Variants in CARMIL1 observed in about 807,000 individuals in gnomAD.
The protein encoded by CARMIL1 is F-actin-uncapping protein LRRC16A.
In CARMIL1, 90 loss-of-function variants were observed where a neutral mutation model predicts 177.1. The observed-to-expected ratio is 0.51, with a 90% CI of 0.43 to 0.61. CARMIL1 has a LOEUF of 0.61. Ranked by LOEUF, CARMIL1 falls within the 20% of genes least tolerant of loss-of-function variation. CARMIL1 has a pLI of 0.00. For missense variants in CARMIL1, 1,380 were observed against 1,667.0 expected (o/e 0.83, Z 3.00); for synonymous variants, 577 against 606.2 (o/e 0.95, Z 0.71).
chr6:25,615,751 TA>T (rs1464814210), intron 36 of CARMIL1, among the ~76,000 whole-genome samples: 5 of 152,206 alleles, frequency 3.3e-5, no homozygotes, highest in Non-Finnish European at 7.3e-5. Flanking sequence ...CTAGAAAGTA[TA>T]AAAAATCAGG....
intron 2 of CARMIL1, among the ~76,000 whole-genome samples, chr6:25,364,761 C>T (rs1228789357): frequency 2.0e-5 from 3 of 152,114 alleles, no homozygotes; most frequent in South Asian, 2.1e-4. Flanking sequence ...GATGGGGTTT[C>T]GCCATGTTGG....
At chr6:25,425,555 ATCCAACTTGG>A (rs1796213298) in intron 3 of CARMIL1, among the ~76,000 whole-genome samples, 1 of 152,094 alleles carries the variant, frequency 6.6e-6, no homozygotes, top group South Asian at 2.1e-4. Flanking sequence ...AAAAAAATTG[ATCCAACTTGG>A]TCCCCCACTG....
At position 25,279,594 on chromosome 6, in the gene CARMIL1, G is replaced by A. The variant is rs1178713677; in HGVS notation, c.-202G>A. 3.3e-6 allele frequency: 2 copies of A among 607,038 alleles called. No individual in the cohort carries two copies. The highest frequency in any genetic ancestry group is 5.6e-5 in the Admixed American group (2 of 35,778). 37.6% of individuals were successfully genotyped at this position (607,038 alleles called of 1,614,324 possible). On this transcript the variant is annotated 5_prime_UTR_variant, in exon 1 of 37. Coordinates refer to ENST00000329474, the MANE Select transcript of CARMIL1 (RefSeq NM_017640.6). ...GTCATGTAGCAGCAGCAGCAAATCC[G>A]CCTCGCATTTGCAACTCTTTTTTTT... is the stretch of plus-strand genomic sequence containing the variant.
At chr6:25,474,821 TTCAG>T (rs1181526533) in intron 11 of CARMIL1, among the ~76,000 whole-genome samples, 3 of 152,206 alleles carry the variant, frequency 2.0e-5, no homozygotes, top group Non-Finnish European at 4.4e-5. Flanking sequence ...ATGGGAAGGA[TTCAG>T]TCATATTTAT....
At chr6:25,617,438 C>G (rs567505255) in intron 36 of CARMIL1, among the ~76,000 whole-genome samples, 10 of 152,218 alleles carry the variant, frequency 6.6e-5, no homozygotes, top group African/African-American at 2.4e-4. Context: ...CTTGATTATC[C>G]TTTAAATCTA....
chr6:25,334,612 C>T (rs1786025223), intron 2 of CARMIL1, among the ~76,000 whole-genome samples: 1 of 152,110 alleles, frequency 6.6e-6, no homozygotes, highest in South Asian at 2.1e-4. Flanking sequence ...CAACTAGGTA[C>T]TTGATATAAT....
At chr6:25,441,660 A>G (rs1350438378) in intron 5 of CARMIL1, among the ~76,000 whole-genome samples, 1 of 152,148 alleles carries the variant, frequency 6.6e-6, no homozygotes, top group Non-Finnish European at 1.5e-5. Context: ...AATCACTGTT[A>G]TCGTGTGTTT....
Position 25,482,329 on chromosome 6 carries a change from C to T in CARMIL1, c.947C>T (p.Ser316Leu). Reference protein sequence around the residue: ...GLKHLNLSKTSLSPKGVNSLS... With the variant: ...GLKHLNLSKTLLSPKGVNSLS... The stretch of plus-strand genomic sequence containing the variant: ...AAGCACTTAAATTTATCTAAAACCT[C>T]ATTATCACCTAAAGGTACAGTATTT... The change falls in exon 12 of 37, where the codon TCA becomes TTA. Residue 316 changes from serine to leucine, a missense_variant. Transcript: ENST00000329474. The T allele has an allele frequency of 1.3e-6, 2 of 1,556,838 alleles. No homozygotes were observed. Among genetic ancestry groups the T allele is most frequent in the South Asian group, 1.2e-5 (1 of 86,630 alleles).
At chr6:25,448,386 A>G (rs879739968) in intron 5 of CARMIL1, among the ~76,000 whole-genome samples, 1 of 152,102 alleles carries the variant, frequency 6.6e-6, no homozygotes, top group Non-Finnish European at 1.5e-5. Context: ...ATTTTGAACT[A>G]GATTGAATTT....
chr6:25,566,772 T>G (rs535828240), intron 29 of CARMIL1, among the ~76,000 whole-genome samples: 29 of 152,350 alleles, frequency 1.9e-4, no homozygotes, highest in African/African-American at 6.7e-4. Context: ...TTTCTTTGTA[T>G]GCTTCTTGAA....
Position 25,279,729 on chromosome 6 carries a change from C to T in CARMIL1, c.-67C>T. The T allele has an allele frequency of 1.3e-6, 2 of 1,500,228 alleles. No homozygotes were observed. The highest frequency in any genetic ancestry group is 1.1e-5 in the South Asian group (1 of 88,756). 92.9% of individuals were successfully genotyped at this position (1,500,228 alleles called of 1,614,324 possible). On this transcript the variant is annotated 5_prime_UTR_variant, in exon 1 of 37. Coordinates refer to ENST00000329474, the MANE Select transcript of CARMIL1 (RefSeq NM_017640.6). ...GCCTCTCTAAAAAAATTGAGGAGTT[C>T]GGGGAAGGGCAGGGGGCCATAAATC...
At chr6:25,401,292 A>G (rs1392137137) in intron 2 of CARMIL1, among the ~76,000 whole-genome samples, 1 of 152,132 alleles carries the variant, frequency 6.6e-6, no homozygotes, top group African/African-American at 2.4e-5. Context: ...ACACACACAC[A>G]CAAAATGTAT....
chr6:25,383,887 A>G lies in CARMIL1; in HGVS notation c.139-36227A>G, dbSNP rs538354123. 4.3e-4 allele frequency among the ~76,000 whole-genome samples: 65 copies of G among 152,202 alleles called. No individual in the cohort carries two copies. The Middle Eastern group carries it at 0.01, about 24-fold the overall frequency. ...GGAGTCTCGCTCTGTCGCCCAGGCT[A>G]GAGTGCAGTGGTGTGATCTTGGCTC... On this transcript the variant is annotated intron_variant, in intron 2 of 36. Transcript: ENST00000329474.
At chr6:25,550,413 A>AT (rs1809966432) in intron 26 of CARMIL1, among the ~76,000 whole-genome samples, 1 of 151,960 alleles carries the variant, frequency 6.6e-6, no homozygotes, top group Non-Finnish European at 1.5e-5. Flanking sequence ...AGTTTCTGTG[A>AT]TTTTTCTGCT....
intron 2 of CARMIL1, among the ~76,000 whole-genome samples, chr6:25,332,765 A>ACGCG (rs1554165917): frequency 3.0e-5 from 4 of 134,552 alleles, no homozygotes; most frequent in African/African-American, 1.1e-4. Context: ...ACACACACAC[A>ACGCG]CACACACGCG....
At chr6:25,527,732 AC>A (rs746261873) in intron 23 of CARMIL1, 12 of 437,340 alleles carry the variant, frequency 2.7e-5, no homozygotes, top group African/African-American at 2.4e-4. Context: ...ATGGAAAGGT[AC>A]ATTTTGTTCT....
At chr6:25,586,630 C>T (rs941726812) in intron 31 of CARMIL1, among the ~76,000 whole-genome samples, 4 of 151,966 alleles carry the variant, frequency 2.6e-5, no homozygotes, top group African/African-American at 9.7e-5. Flanking sequence ...TTGTAGCGAG[C>T]CGAGATCACG....
rs75248095 is a variant in CARMIL1, at chr6:25,319,729, C to T, written c.138+34820C>T. ...CTTCTTGAGTGAGATAACATTGTTG[C>T]GATTTGAGAAATACTGAATCTCTAC... On this transcript the variant is annotated intron_variant, in intron 2 of 36. Transcript: ENST00000329474. Among the ~76,000 whole-genome samples, 653 of 146,944 alleles carry T rather than the reference C, an allele frequency of 4.4e-3. 5 individuals are homozygous for T. The highest frequency in any genetic ancestry group is 0.015 in the African/African-American group (597 of 39,884).
intron 26 of CARMIL1, among the ~76,000 whole-genome samples, chr6:25,541,145 A>T (rs1562266946): frequency 1.3e-5 from 2 of 152,166 alleles, no homozygotes; most frequent in Non-Finnish European, 2.9e-5. Flanking sequence ...TTTATTTTTA[A>T]CTGTAGAAAA....
Sources: gnomAD v4.1 joint callset for allele counts (sites outside exome capture counted in the v4.1 genomes callset) on GRCh38, gnomAD v4.1.1 for gene constraint, MANE v1.5 for transcripts, NCBI Gene and HGNC (gene_info 2026-07-23, HGNC 2026-07-21) for gene names.